CHSY3: variants seen among roughly 807,000 people sequenced by gnomAD.
The protein encoded by CHSY3 is chondroitin sulfate synthase 3, also known as N-acetylgalactosaminyl-proteoglycan 3-beta-glucuronosyltransferase 3.
A neutral mutation model predicts 67.2 loss-of-function variants in CHSY3; 35 were observed. The ratio of observed to expected loss-of-function variants is 0.52; its 90% confidence interval spans 0.40 to 0.69. The LOEUF is 0.69. Ranked by LOEUF, CHSY3 falls within the 30% of genes least tolerant of loss-of-function variation. CHSY3 has a pLI of 0.00. For synonymous variants in CHSY3, 474 were observed against 434.7 expected (o/e 1.09, Z -1.12); for missense variants, 1,069 against 1,138.5 (o/e 0.94, Z 0.88).
chr5:129,950,486 C>G (rs1011315557), intron 2 of CHSY3, among the ~76,000 whole-genome samples: 2 of 152,092 alleles, frequency 1.3e-5, no homozygotes, highest in Admixed American at 6.6e-5. Context: ...AAAATTGTGT[C>G]TGTTTGCAGA....
chr5:130,052,765 C>G (rs1423656237), intron 2 of CHSY3, among the ~76,000 whole-genome samples: 1 of 151,936 alleles, frequency 6.6e-6, no homozygotes, highest in Non-Finnish European at 1.5e-5. Flanking sequence ...AGATAATATC[C>G]ACAGGCGTTA....
intron 2 of CHSY3, among the ~76,000 whole-genome samples, chr5:130,094,075 C>T (rs1766968769): frequency 6.6e-6 from 1 of 152,046 alleles, no homozygotes; most frequent in East Asian, 1.9e-4. Flanking sequence ...AGTAAAGGGG[C>T]TCGGTAGGGA....
At chr5:130,097,429 A>C (rs1421726947) in intron 2 of CHSY3, among the ~76,000 whole-genome samples, 1 of 152,156 alleles carries the variant, frequency 6.6e-6, no homozygotes, top group African/African-American at 2.4e-5. Flanking sequence ...TTCTACTCTT[A>C]GCATGTCACA....
chr5:129,936,351 T>C (rs1580551793), intron 2 of CHSY3, among the ~76,000 whole-genome samples: 1 of 152,036 alleles, frequency 6.6e-6, no homozygotes, highest in East Asian at 1.9e-4. Flanking sequence ...ATTCACAGAA[T>C]CCTCACATAG....
rs189273525 is a variant in CHSY3, at chr5:130,008,216, G to C, written c.1086+99856G>C. The stretch of plus-strand genomic sequence containing the variant: ...ACCACTCTGACAAAGCACTGTTGCT[G>C]CCCACCCCCCATACCCCCCATTGGA... On this transcript the variant is annotated intron_variant, in intron 2 of 2. Transcript: ENST00000305031. 7.8e-4 allele frequency among the ~76,000 whole-genome samples: 118 copies of C among 152,208 alleles called. 1 individual carries two copies. In the Middle Eastern group the frequency reaches 0.014, roughly 18 times the overall value.
At chr5:130,178,968 A>G (rs921363367) in intron 2 of CHSY3, among the ~76,000 whole-genome samples, 5 of 152,186 alleles carry the variant, frequency 3.3e-5, no homozygotes, top group African/African-American at 1.2e-4. Context: ...CAAGTCTACA[A>G]TTCAGTTTTC....
intron 2 of CHSY3, among the ~76,000 whole-genome samples, chr5:130,059,284 T>C (rs1043295743): frequency 6.6e-6 from 1 of 152,076 alleles, no homozygotes; most frequent in African/African-American, 2.4e-5. Context: ...CATCAACTTT[T>C]ACCTGAATTT....
chr5:130,110,444 T>C (rs936839326), intron 2 of CHSY3, among the ~76,000 whole-genome samples: 1 of 152,020 alleles, frequency 6.6e-6, no homozygotes, highest in Non-Finnish European at 1.5e-5. Context: ...GTTTCTTTAG[T>C]ATTTGTAATT....
At chr5:130,010,755 G>A (rs1184153677) in intron 2 of CHSY3, among the ~76,000 whole-genome samples, 1 of 151,976 alleles carries the variant, frequency 6.6e-6, no homozygotes, top group African/African-American at 2.4e-5. Flanking sequence ...AATAAAATGA[G>A]ATGGTTCAAA....
At chr5:130,066,078 G>A (rs1272970096) in intron 2 of CHSY3, among the ~76,000 whole-genome samples, 1 of 152,020 alleles carries the variant, frequency 6.6e-6, no homozygotes, top group African/African-American at 2.4e-5. Flanking sequence ...ATGAATCTTT[G>A]CCCTCATTTC....
At chr5:130,119,380 G>A (rs1042096820) in intron 2 of CHSY3, among the ~76,000 whole-genome samples, 1 of 152,130 alleles carries the variant, frequency 6.6e-6, no homozygotes, top group East Asian at 1.9e-4. Flanking sequence ...GAATAAGAAG[G>A]GTGCCTGCTT....
At chr5:130,062,603 A>G (rs375582300) in intron 2 of CHSY3, among the ~76,000 whole-genome samples, 1 of 152,146 alleles carries the variant, frequency 6.6e-6, no homozygotes, top group African/African-American at 2.4e-5. Context: ...TCTAAGGTAC[A>G]TGTGCATACC....
chr5:130,066,065 G>T (rs1223945903), intron 2 of CHSY3, among the ~76,000 whole-genome samples: 3 of 152,110 alleles, frequency 2.0e-5, no homozygotes, highest in Admixed American at 2.0e-4. Context: ...AACACAAAAA[G>T]CCATGAATCT....
chr5:130,100,287 C>A (rs1490515036), intron 2 of CHSY3, among the ~76,000 whole-genome samples: 1 of 151,956 alleles, frequency 6.6e-6, no homozygotes, highest in East Asian at 1.9e-4. Context: ...CGGGTTCATG[C>A]CATTCTCCTG....
intron 2 of CHSY3, among the ~76,000 whole-genome samples, chr5:129,920,924 T>A (rs1760901203): frequency 1.3e-5 from 2 of 152,094 alleles, no homozygotes; most frequent in South Asian, 4.1e-4. Flanking sequence ...GCTCAGGTGA[T>A]CCTCCAACTT....
At chr5:130,054,881 G>A (rs1765478924) in intron 2 of CHSY3, among the ~76,000 whole-genome samples, 2 of 152,108 alleles carry the variant, frequency 1.3e-5, no homozygotes, top group African/African-American at 2.4e-5. Flanking sequence ...CTCTAGGTAT[G>A]GAGGCTTTCT....
chr5:130,122,113 G>A (rs1768051708), intron 2 of CHSY3, among the ~76,000 whole-genome samples: 2 of 152,148 alleles, frequency 1.3e-5, no homozygotes, highest in African/African-American at 4.8e-5. Context: ...GAATATACAT[G>A]AATACATGAA....
At chr5:130,021,275 T>C (rs1170619465) in intron 2 of CHSY3, among the ~76,000 whole-genome samples, 1 of 152,150 alleles carries the variant, frequency 6.6e-6, no homozygotes, top group African/African-American at 2.4e-5. Context: ...TGCTTGTGCC[T>C]ACACTTTTTA....
At chr5:130,086,323 G>C (rs1241703358) in intron 2 of CHSY3, among the ~76,000 whole-genome samples, 1 of 152,042 alleles carries the variant, frequency 6.6e-6, no homozygotes, top group Non-Finnish European at 1.5e-5. Context: ...ATTTAGGATA[G>C]TTAGCTCTTC....
Sources: gnomAD v4.1 joint callset for allele counts (sites outside exome capture counted in the v4.1 genomes callset) on GRCh38, gnomAD v4.1.1 for gene constraint, MANE v1.5 for transcripts, NCBI Gene and HGNC (gene_info 2026-07-23, HGNC 2026-07-21) for gene names.